CUX2: variants seen among roughly 807,000 people sequenced by gnomAD.
CUX2 encodes the protein cut like homeobox 2, also known as homeobox protein cut-like 2.
A neutral mutation model predicts 144.8 loss-of-function variants in CUX2; 40 were observed. That is an observed-to-expected ratio of 0.28 (90% confidence interval 0.21 to 0.36). The LOEUF is 0.36. Among genes scored for constraint, CUX2 ranks in the 10% least tolerant of loss-of-function variants. The probability of loss-of-function intolerance (pLI) is 1.00; values close to 1 mark genes in which losing one functional copy is unlikely to be tolerated. For synonymous variants in CUX2, 827 were observed against 875.6 expected (o/e 0.94, Z 0.98); for missense variants, 1,615 against 1,994.0 (o/e 0.81, Z 3.62).
intron 1 of CUX2, among the ~76,000 whole-genome samples, chr12:111,137,364 T>TTGTTGTTGTTGTTGTTGTTGTTGTTG (rs146487590): frequency 1.3e-5 from 2 of 148,558 alleles, no homozygotes; most frequent in African/African-American, 5.3e-5. Flanking sequence ...GTTGTTGTTG[T>TTGTTGTTGTTGTTGTTGTTGTTGTTG]TTGTTGATGT....
intron 1 of CUX2, among the ~76,000 whole-genome samples, chr12:111,199,290 A>T (rs985370793): frequency 6.6e-6 from 1 of 152,192 alleles, no homozygotes; most frequent in Non-Finnish European, 1.5e-5. Context: ...AGCAGCAAGC[A>T]GGATTCGAAC....
chr12:111,181,051 G>A (rs984616427), intron 1 of CUX2, among the ~76,000 whole-genome samples: 2 of 152,168 alleles, frequency 1.3e-5, no homozygotes, highest in African/African-American at 2.4e-5. Context: ...GCAGAGCTCC[G>A]GCAGCTGCAG....
chr12:111,242,857 C>T (rs1883098556), intron 3 of CUX2, among the ~76,000 whole-genome samples: 1 of 152,086 alleles, frequency 6.6e-6, no homozygotes, highest in Non-Finnish European at 1.5e-5. Flanking sequence ...TCCCCTAGTC[C>T]CCCACCCCAT....
At position 111,050,228 on chromosome 12, in the gene CUX2, TTCCCTG is replaced by T. The variant is rs575223379; in HGVS notation, c.63+15990_63+15995del. On this transcript the variant is annotated intron_variant, in intron 1 of 21. Transcript: ENST00000261726. ...TTTTCCTCCTACCTCTTGCCGCCAC[TTCCCTG>T]TTTCTTTTCAGACCCATCCTCCTCT... 8.0e-5 allele frequency among the ~76,000 whole-genome samples: 12 copies of T among 150,130 alleles called. No homozygotes were observed. In the East Asian group the frequency reaches 2.5e-3, roughly 31 times the overall value.
intron 1 of CUX2, among the ~76,000 whole-genome samples, chr12:111,183,310 CCT>C (rs1208356251): frequency 6.6e-6 from 1 of 152,206 alleles, no homozygotes; most frequent in African/African-American, 2.4e-5. Context: ...GGCATTTGGG[CCT>C]CCAAGCCTGC....
chr12:111,247,399 C>T (rs1883330330), intron 3 of CUX2, among the ~76,000 whole-genome samples: 1 of 152,222 alleles, frequency 6.6e-6, no homozygotes, highest in Non-Finnish European at 1.5e-5. Flanking sequence ...GCCGCCTTTC[C>T]AGAAAGGGCA....
At chr12:111,341,433 G>C (rs980186497) in intron 20 of CUX2, among the ~76,000 whole-genome samples, 6 of 152,174 alleles carry the variant, frequency 3.9e-5, no homozygotes, top group African/African-American at 1.4e-4. Context: ...TGTACTCCAG[G>C]CTGGGTGACA....
intron 1 of CUX2, among the ~76,000 whole-genome samples, chr12:111,091,487 A>C (rs1189061673): frequency 5.3e-5 from 8 of 152,118 alleles, no homozygotes; most frequent in Non-Finnish European, 1.0e-4. Context: ...GGGCCACCTC[A>C]TCCCAGTTGC....
rs763798572 is a variant in CUX2 at position 111,334,516 on chromosome 12, C to T, written c.3002C>T (p.Pro1001Leu). 4.8e-5 allele frequency: 78 copies of T among 1,613,822 alleles called. 4 individuals carry two copies. In the South Asian group the frequency reaches 6.9e-4, roughly 14 times the overall value. Residue 1001 changes from proline (P) to leucine (L), a missense_variant, in exon 19 of 22, where the codon CCG becomes CTG. Coordinates refer to ENST00000261726, the MANE Select transcript of CUX2 (RefSeq NM_015267.4). The stretch of plus-strand genomic sequence containing the variant: ...GAGCCTGAGAAGAGCTCCCAGGAGC[C>T]GTTGAGCCTGTCCCTGGAGAGCAGC... ...PTEPEKSSQE[P>L]LSLSLESSKE...
intron 18 of CUX2, among the ~76,000 whole-genome samples, chr12:111,325,277 G>C (rs895136817): frequency 3.3e-5 from 5 of 150,074 alleles, no homozygotes; most frequent in African/African-American, 1.2e-4. Context: ...CTGGGCGACA[G>C]AGCGAGACTC....
At chr12:111,152,607 C>G (rs1300865634) in intron 1 of CUX2, among the ~76,000 whole-genome samples, 2 of 152,230 alleles carry the variant, frequency 1.3e-5, no homozygotes, top group African/African-American at 2.4e-5. Context: ...TGACTGTGTG[C>G]ATATTCTGCC....
At chr12:111,151,331 T>C (rs1289395200) in intron 1 of CUX2, among the ~76,000 whole-genome samples, 1 of 152,228 alleles carries the variant, frequency 6.6e-6, no homozygotes, top group Non-Finnish European at 1.5e-5. Context: ...TGTAAGAAGA[T>C]TTAAATTGCT....
intron 9 of CUX2, among the ~76,000 whole-genome samples, chr12:111,299,917 C>T (rs1444427971): frequency 6.6e-6 from 1 of 152,096 alleles, no homozygotes; most frequent in Non-Finnish European, 1.5e-5. Flanking sequence ...CATACTCTGT[C>T]GCCCAGGCTG....
rs185796617 is a variant in CUX2 at position 111,112,081 on chromosome 12, G to T, written c.63+77841G>T. Among the ~76,000 whole-genome samples the T allele has an allele frequency of 5.2e-3, 786 of 152,258 alleles. 4 individuals carry two copies. Among genetic ancestry groups the T allele is most frequent in the Non-Finnish European group, 9.1e-3 (619 of 68,006 alleles). ...CGGGATATTCTGCTAAGCAAAGAAA[G>T]TGGTTGCTCAGGACTTGGGTGAGGG... On this transcript the variant is annotated intron_variant, in intron 1 of 21. Transcript: ENST00000261726.
chr12:111,237,850 C>T (rs1243836646), intron 3 of CUX2, among the ~76,000 whole-genome samples: 1 of 152,230 alleles, frequency 6.6e-6, no homozygotes, highest in Non-Finnish European at 1.5e-5. Context: ...GCCCCCGTTT[C>T]TCCCCCTGAA....
intron 1 of CUX2, among the ~76,000 whole-genome samples, chr12:111,154,806 T>TGGGAAGCCA (rs1566258777): frequency 6.6e-6 from 1 of 152,104 alleles, no homozygotes; most frequent in Non-Finnish European, 1.5e-5. Context: ...AAAGTCTCCA[T>TGGGAAGCCA]GAAAAAGCAG....
In CUX2 at chr12:111,320,803, T is replaced by C; in HGVS notation, c.2766+28T>C. The C allele has an allele frequency of 1.4e-6, 2 of 1,469,854 alleles. No individual in the cohort carries two copies. The highest frequency in any genetic ancestry group is 1.8e-6 in the Non-Finnish European group (2 of 1,113,508). 91.1% of individuals were successfully genotyped at this position (1,469,854 alleles called of 1,614,324 possible). ...GAGTGCAGGGCGGGCCCCCGGTGTC[T>C]GGGCTCTGGGAGAAGATGTCGGAGA... On this transcript the variant is annotated intron_variant, in intron 17 of 21. Transcript: ENST00000261726. This position sits in a 1 kb window ranked among gnomAD's most constrained non-coding sequence, Gnocchi z 8.1.
At chr12:111,267,056 G>A (rs1159853942) in intron 4 of CUX2, among the ~76,000 whole-genome samples, 1 of 152,050 alleles carries the variant, frequency 6.6e-6, no homozygotes, top group African/African-American at 2.4e-5. Context: ...AAATTATCTG[G>A]GCATGGTCGT....
rs1191021541 is a variant in CUX2 at position 111,134,616 on chromosome 12, C to CTGTGTGTGTGTGTGTGTG, written c.64-79583_64-79582insGTGTGTGTGTGTGTGTGT. Among the ~76,000 whole-genome samples the CTGTGTGTGTGTGTGTGTG allele has an allele frequency of 2.1e-3, 309 of 145,180 alleles. 2 individuals are homozygous for CTGTGTGTGTGTGTGTGTG. Among genetic ancestry groups the CTGTGTGTGTGTGTGTGTG allele is most frequent in the African/African-American group, 8.0e-3 (285 of 35,816 alleles). On this transcript the variant is annotated intron_variant, in intron 1 of 21. Transcript: ENST00000261726. ...TCTTTCTCTCTCTCTCTCTCTCTCT[C>CTGTGTGTGTGTGTGTGTG]TCTCTGTGTGTGTGTGTGTGTGTGT...
Sources: allele counts gnomAD v4.1 joint callset (sites outside exome capture counted in the v4.1 genomes callset), GRCh38; gene constraint gnomAD v4.1.1; non-coding constraint Gnocchi (gnomAD v3.1); transcripts MANE v1.5; gene names NCBI Gene and HGNC (gene_info 2026-07-23, HGNC 2026-07-21).